The following BBS9 variants were observed in gnomAD, a reference collection of about 807,000 sequenced individuals.
BBS9 encodes protein PTHB1.
Under a neutral mutation model 117.7 loss-of-function variants are expected in BBS9, and 89 were observed. That is an observed-to-expected ratio of 0.76 (90% CI 0.64 to 0.90). The LOEUF is 0.90. Ranked by LOEUF, BBS9 falls within the 40% of genes least tolerant of loss-of-function variation. The pLI is 0.00. For missense variants in BBS9, 982 were observed against 1,042.2 expected (o/e 0.94, Z 0.80); for synonymous variants, 379 against 370.9 (o/e 1.02, Z -0.25).
intron 5 of BBS9, among the ~76,000 whole-genome samples, chr7:33,212,415 T>A (rs1470960988): frequency 6.6e-6 from 1 of 152,182 alleles, no homozygotes; most frequent in African/African-American, 2.4e-5. Flanking sequence ...TGATTCTTTT[T>A]AATTATGTCA....
At chr7:33,554,589 C>T (rs1854979040) in intron 21 of BBS9, among the ~76,000 whole-genome samples, 1 of 152,050 alleles carries the variant, frequency 6.6e-6, no homozygotes, top group African/African-American at 2.4e-5. Flanking sequence ...GAGGGAAGAA[C>T]AGTGTGTGTG....
chr7:33,486,540 A>C (rs779919310), intron 19 of BBS9, among the ~76,000 whole-genome samples: 1 of 152,216 alleles, frequency 6.6e-6, no homozygotes, highest in African/African-American at 2.4e-5. Context: ...TCAAAATTGT[A>C]TCATTTCATA....
chr7:33,366,889 G>T (rs1392208640), intron 16 of BBS9, among the ~76,000 whole-genome samples: 1 of 152,066 alleles, frequency 6.6e-6, no homozygotes, highest in African/African-American at 2.4e-5. Context: ...TGGTAAGTTG[G>T]ATCTACAGCT....
chr7:33,577,432 G>A (rs995853766), intron 21 of BBS9, among the ~76,000 whole-genome samples: 1 of 152,182 alleles, frequency 6.6e-6, no homozygotes, highest in African/African-American at 2.4e-5. Context: ...AGAGAAATAG[G>A]AACACTTTTA....
intron 5 of BBS9, among the ~76,000 whole-genome samples, chr7:33,199,608 C>T (rs1186901925): frequency 6.6e-6 from 1 of 151,252 alleles, no homozygotes; most frequent in Non-Finnish European, 1.5e-5. Context: ...TAATGTTATA[C>T]TTACTCAGTC....
chr7:33,140,702 ATAT>A (rs1205094577), intron 1 of BBS9, among the ~76,000 whole-genome samples: 1 of 152,178 alleles, frequency 6.6e-6, no homozygotes, highest in Non-Finnish European at 1.5e-5. Context: ...TGTAATACAG[ATAT>A]TATTATGTTT....
chr7:33,605,020 C>G, intron 22 of BBS9, 45 bp downstream of exon 22: 1 of 1,526,846 alleles, frequency 6.5e-7, no homozygotes, highest in Non-Finnish European at 9.1e-7. Context: ...AAGTCAGAAG[C>G]AGTGACAATC....
chr7:33,420,013 C>A (rs1424144399), intron 19 of BBS9, among the ~76,000 whole-genome samples: 1 of 152,054 alleles, frequency 6.6e-6, no homozygotes, highest in East Asian at 1.9e-4. Context: ...GGTTCAGTTA[C>A]CTCATTTCAC....
intron 19 of BBS9, among the ~76,000 whole-genome samples, chr7:33,431,030 A>G (rs1037248947): frequency 2.7e-5 from 4 of 148,786 alleles, no homozygotes; most frequent in African/African-American, 9.8e-5. Flanking sequence ...CTCTGTGAGA[A>G]AAAAAAAAAA....
At chr7:33,422,932 C>G (rs1006837579) in intron 19 of BBS9, among the ~76,000 whole-genome samples, 3 of 152,064 alleles carry the variant, frequency 2.0e-5, no homozygotes, top group African/African-American at 7.2e-5. Context: ...ATGAGCACAT[C>G]TGTTTGAATT....
chr7:33,539,184 G>T (rs1851897211), intron 21 of BBS9, among the ~76,000 whole-genome samples: 2 of 152,192 alleles, frequency 1.3e-5, no homozygotes, highest in South Asian at 4.1e-4. Flanking sequence ...GCTGAGGTCT[G>T]AGGGGAATTG....
chr7:33,379,624 A>G (rs955033825), intron 17 of BBS9, among the ~76,000 whole-genome samples: 3 of 152,180 alleles, frequency 2.0e-5, no homozygotes, highest in Non-Finnish European at 4.4e-5. Context: ...TTTATTAAAG[A>G]TAGTTGTTTT....
intron 4 of BBS9, among the ~76,000 whole-genome samples, chr7:33,167,033 T>C (rs1795811983): frequency 6.6e-6 from 1 of 152,240 alleles, no homozygotes; most frequent in South Asian, 2.1e-4. Context: ...CATTTTTAAT[T>C]TGGATAATTT....
chr7:33,433,045 CTGAAAACTG>C (rs1834766631), intron 19 of BBS9, among the ~76,000 whole-genome samples: 2 of 151,484 alleles, frequency 1.3e-5, no homozygotes, highest in South Asian at 4.2e-4. Flanking sequence ...TACCTAAAGG[CTGAAAACTG>C]TGAATCATTT....
chr7:33,345,795 G>A (rs764184684), intron 12 of BBS9, among the ~76,000 whole-genome samples: 42 of 152,120 alleles, frequency 2.8e-4, no homozygotes, highest in Admixed American at 5.9e-4. Context: ...TACTGATAAC[G>A]TTCAGACACA....
intron 19 of BBS9, among the ~76,000 whole-genome samples, chr7:33,433,043 G>T (rs1584807685): frequency 6.6e-6 from 1 of 151,406 alleles, no homozygotes; most frequent in Non-Finnish European, 1.5e-5. Flanking sequence ...TTTACCTAAA[G>T]GCTGAAAACT....
chr7:33,272,870 AAAG>A, intron 7 of BBS9, 139 bp from the exon 8 acceptor site: 1 of 860,016 alleles, frequency 1.2e-6, no homozygotes, highest in South Asian at 1.5e-5. Flanking sequence ...GTGATAAAAA[AAAG>A]AATAAAGAAA....
At chr7:33,589,482 TA>T (rs1396926957) in intron 21 of BBS9, among the ~76,000 whole-genome samples, 1 of 152,092 alleles carries the variant, frequency 6.6e-6, no homozygotes, top group African/African-American at 2.4e-5. Context: ...GAGATGATGA[TA>T]GATTGTACCA....
intron 15 of BBS9, among the ~76,000 whole-genome samples, chr7:33,353,447 A>G (rs749717705): frequency 1.2e-4 from 19 of 152,114 alleles, no homozygotes; most frequent in Admixed American, 3.3e-4. Flanking sequence ...TGACTCTGCT[A>G]TGATTCTGAT....
Sources: gnomAD v4.1 joint callset for allele counts (sites outside exome capture counted in the v4.1 genomes callset) on GRCh38, gnomAD v4.1.1 for gene constraint, MANE v1.5 for transcripts, NCBI Gene and HGNC (gene_info 2026-07-23, HGNC 2026-07-21) for gene names.